The following NET1 variants were observed in gnomAD, a reference collection of about 807,000 sequenced individuals.
The protein encoded by NET1 is neuroepithelial cell-transforming gene 1 protein.
In NET1, 42 loss-of-function variants were observed where a neutral mutation model predicts 61.1. That is an observed-to-expected ratio of 0.69 (90% CI 0.54 to 0.89). The LOEUF is 0.89. Among genes scored for constraint, NET1 ranks in the 40% least tolerant of loss-of-function variants. NET1 has a pLI of 0.00. For synonymous variants in NET1, 254 were observed against 281.8 expected (o/e 0.90, Z 0.99); for missense variants, 654 against 747.3 (o/e 0.88, Z 1.46).
chr10:5,422,758 A>G lies in NET1; in HGVS notation c.129-3897A>G, dbSNP rs1832196846. On this transcript the variant is annotated intron_variant, in intron 1 of 11. Transcript: ENST00000355029. The surrounding 1 kb of genome is among the most constrained non-coding windows in gnomAD (Gnocchi z 4.1). ...GAGACATAGTCTACATGATTGTCAG[A>G]AGTGGAAGAAGAGACAACTCCTTAA... Among the ~76,000 whole-genome samples, 1 of 152,240 alleles carries G rather than the reference A, an allele frequency of 6.6e-6. No homozygotes were observed. The highest frequency in any genetic ancestry group is 1.5e-5 in the Non-Finnish European group (1 of 68,036).
rs915506089 is a variant in NET1, at chr10:5,455,350, G to A, written c.1197+232G>A. ...TTAGTTTCGAAGCATAAATCAACTT[G>A]TTAGGCCAGGGGTTCCTGTCTAAAT... On this transcript the variant is annotated intron_variant, in intron 10 of 11. Coordinates refer to ENST00000355029, the MANE Select transcript of NET1 (RefSeq NM_001047160.3). The surrounding 1 kb of genome is among the most constrained non-coding windows in gnomAD (Gnocchi z 6.5). Among the ~76,000 whole-genome samples, 4 of 152,154 alleles carry A rather than the reference G, an allele frequency of 2.6e-5. No individual in the cohort carries two copies. The highest frequency in any genetic ancestry group is 9.7e-5 in the African/African-American group (4 of 41,418).
At position 5,452,983 on chromosome 10, in the gene NET1, A is replaced by C; in HGVS notation, c.594+63A>C. 8.7e-7 allele frequency: 1 copy of C among 1,149,862 alleles called. No individual in the cohort carries two copies. The highest frequency in any genetic ancestry group is 2.3e-5 in the East Asian group (1 of 42,722). 71.2% of individuals were successfully genotyped at this position (1,149,862 alleles called of 1,614,324 possible). ...AAAAATTACATTTCACAAAATCTAA[A>C]GGATAGTTTTCTTAACCTTTAGAAG... On this transcript the variant is annotated intron_variant, in intron 6 of 11. Transcript: ENST00000355029. The surrounding 1 kb of genome is among the most constrained non-coding windows in gnomAD (Gnocchi z 4.0).
chr10:5,450,606 C>A (rs1832688991), intron 3 of NET1, among the ~76,000 whole-genome samples: 1 of 151,880 alleles, frequency 6.6e-6, no homozygotes, highest in Non-Finnish European at 1.5e-5. Flanking sequence ...TCTTATTTTT[C>A]AGTGATAATT....
intron 3 of NET1, among the ~76,000 whole-genome samples, chr10:5,450,682 CA>C (rs1832689852): frequency 6.6e-6 from 1 of 151,996 alleles, no homozygotes; most frequent in African/African-American, 2.4e-5. Flanking sequence ...AAGTATGCCA[CA>C]ATTGTCAGAA....
chr10:5,456,805 C>T lies in NET1; in HGVS notation c.1602C>T (p.Ala534=). The T allele has an allele frequency of 6.2e-7, 1 of 1,613,564 alleles. No homozygotes were observed. Among genetic ancestry groups the T allele is most frequent in the Non-Finnish European group, 8.5e-7 (1 of 1,179,736 alleles). Residue 534 remains alanine (A), a synonymous_variant, in exon 12 of 12, where the codon GCC becomes GCT. Transcript: ENST00000355029. This position sits in a 1 kb window ranked among gnomAD's most constrained non-coding sequence, Gnocchi z 7.0. ...ACCCCTCTGCGAGGAAACTCACAGC[C>T]CAGAGGAGGGCATCCACAGTTTCCA... ...GNHPSARKLT[A]QRRASTVSSV...
rs1399537892 is a variant in NET1 at position 5,436,184 on chromosome 10, TGTTGTGTGTGTGTGTGTGTG to T, written c.255+6956_255+6975del. On this transcript the variant is annotated intron_variant, in intron 3 of 11. Transcript: ENST00000355029. The stretch of plus-strand genomic sequence containing the variant: ...GGAGGTGTGTGTGTGTGTGTGTGTG[TGTTGTGTGTGTGTGTGTGTG>T]TGTGTGTGTGTGTGTGTGTGCATAT... Among the ~76,000 whole-genome samples, 5 of 58,742 alleles carry T rather than the reference TGTTGTGTGTGTGTGTGTGTG, an allele frequency of 8.5e-5. 1 individual carries two copies. The highest frequency in any genetic ancestry group is 1.5e-3 in the South Asian group (2 of 1,342). 38.5% of individuals were successfully genotyped at this position (58,742 alleles called of 152,430 possible).
In NET1 at chr10:5,417,909, A is replaced by G. The variant is rs72779839; in HGVS notation, c.128+5089A>G. Among the ~76,000 whole-genome samples, 10,930 of 152,058 alleles carry G rather than the reference A, an allele frequency of 0.072. 496 individuals are homozygous for G. Among genetic ancestry groups the G allele is most frequent in the Non-Finnish European group, 0.11 (7,528 of 67,944 alleles). On this transcript the variant is annotated intron_variant, in intron 1 of 11. Coordinates refer to ENST00000355029, the MANE Select transcript of NET1 (RefSeq NM_001047160.3). The surrounding 1 kb of genome is among the most constrained non-coding windows in gnomAD (Gnocchi z 5.5). ...TTTTAGGGTTTTTTTTCTTTTGTCT[A>G]TTGAAATGATCATGTGGTTGTTGTT...
Position 5,435,619 on chromosome 10 carries a change from AAATG to A in NET1, c.255+6396_255+6399del, listed in dbSNP as rs1441023401. On this transcript the variant is annotated intron_variant, in intron 3 of 11. Coordinates refer to ENST00000355029, the MANE Select transcript of NET1 (RefSeq NM_001047160.3). The surrounding 1 kb of genome is among the most constrained non-coding windows in gnomAD (Gnocchi z 5.0). Reference sequence around the variant, plus strand: ...GAATGAAATATTAATAATACAGGTCAAATGAATGACATAAGACCTTGGACTTACA... The same window carrying A: ...GAATGAAATATTAATAATACAGGTCAAATGACATAAGACCTTGGACTTACA... Among the ~76,000 whole-genome samples the A allele has an allele frequency of 6.6e-6, 1 of 152,228 alleles. No homozygotes were observed. Among genetic ancestry groups the A allele is most frequent in the East Asian group, 1.9e-4 (1 of 5,204 alleles).
chr10:5,453,250 G>A lies in NET1; in HGVS notation c.595G>A (p.Ala199Thr). The A allele has an allele frequency of 1.9e-6, 3 of 1,566,026 alleles. No homozygotes were observed. The highest frequency in any genetic ancestry group is 2.6e-6 in the Non-Finnish European group (3 of 1,136,240). The change falls in exon 7 of 12, where the codon GCC (alanine) becomes ACC (threonine). Residue 199 changes from alanine to threonine, a missense_variant and splice_region_variant. Transcript: ENST00000355029. This position sits in a 1 kb window ranked among gnomAD's most constrained non-coding sequence, Gnocchi z 4.9. ...LIEDLKLARKAYHDPMLKLSI... is the reference protein window; with the variant it reads ...LIEDLKLARKTYHDPMLKLSI... ...GTGACACATTTCTCCCCTCTGACAG[G>A]CCTATCATGACCCCATGTTAAAGTT... is the stretch of plus-strand genomic sequence containing the variant.
chr10:5,415,982 A>G lies in NET1; in HGVS notation c.128+3162A>G, dbSNP rs545616344. The stretch of plus-strand genomic sequence containing the variant: ...AATCACTGCTAAATCCATTGTTATG[A>G]ATCCTTTCCCCAGTGCTTTCTTCTG... On this transcript the variant is annotated intron_variant, in intron 1 of 11. Transcript: ENST00000355029. The surrounding 1 kb of genome is among the most constrained non-coding windows in gnomAD (Gnocchi z 4.7). Among the ~76,000 whole-genome samples, 114 of 152,296 alleles carry G rather than the reference A, an allele frequency of 7.5e-4. No homozygotes were observed. Among genetic ancestry groups the G allele is most frequent in the South Asian group, 2.3e-3 (11 of 4,828 alleles).
Position 5,454,595 on chromosome 10 carries a change from G to A in NET1, c.1026+73G>A. 6.7e-7 allele frequency: 1 copy of A among 1,496,274 alleles called. No individual in the cohort carries two copies. Among genetic ancestry groups the A allele is most frequent in the Non-Finnish European group, 9.0e-7 (1 of 1,105,996 alleles). The allele number at this position is 1,496,274 out of a possible 1,614,324, so 92.7% of individuals were successfully genotyped here. ...AGGCTGCTTTAGAACGTTATCTTCT[G>A]AAGATGCTGATTCACATCAGCATAG... On this transcript the variant is annotated intron_variant, in intron 9 of 11. Coordinates refer to ENST00000355029, the MANE Select transcript of NET1 (RefSeq NM_001047160.3). The surrounding 1 kb of genome is among the most constrained non-coding windows in gnomAD (Gnocchi z 8.1).
Position 5,443,105 on chromosome 10 carries a change from A to T in NET1, c.256-8725A>T, listed in dbSNP as rs148158172. Among the ~76,000 whole-genome samples the T allele has an allele frequency of 6.6e-6, 1 of 152,256 alleles. No individual in the cohort carries two copies. The highest frequency in any genetic ancestry group is 1.9e-4 in the East Asian group (1 of 5,182). On this transcript the variant is annotated intron_variant, in intron 3 of 11. Coordinates refer to ENST00000355029, the MANE Select transcript of NET1 (RefSeq NM_001047160.3). This position sits in a 1 kb window ranked among gnomAD's most constrained non-coding sequence, Gnocchi z 4.8. ...GGTTTTAAACTTAGGTCTACTGTTA[A>T]CTTAGGTCACTAACATATACTGAGC...
chr10:5,415,616 T>C lies in NET1; in HGVS notation c.128+2796T>C, dbSNP rs1185121342. Among the ~76,000 whole-genome samples the C allele has an allele frequency of 6.6e-6, 1 of 152,152 alleles. No homozygotes were observed. The highest frequency in any genetic ancestry group is 1.5e-5 in the Non-Finnish European group (1 of 68,014). On this transcript the variant is annotated intron_variant, in intron 1 of 11. Transcript: ENST00000355029. This position sits in a 1 kb window ranked among gnomAD's most constrained non-coding sequence, Gnocchi z 4.7. Reference sequence around the variant, plus strand: ...CACCACGTGTGGCTAATTTTTTGTATTTTTAGTAAAGACAGGGTTTCACCA... The same window carrying C: ...CACCACGTGTGGCTAATTTTTTGTACTTTTAGTAAAGACAGGGTTTCACCA...
In NET1 at chr10:5,449,955, G is replaced by A. The variant is rs909334224; in HGVS notation, c.256-1875G>A. Among the ~76,000 whole-genome samples the A allele has an allele frequency of 2.6e-5, 4 of 152,072 alleles. No individual in the cohort carries two copies. The highest frequency in any genetic ancestry group is 5.9e-5 in the Non-Finnish European group (4 of 68,016). ...AACTGCTTTGTTCCAGTGAAATGTC[G>A]GCATTTCTTACTCTGTGAGGTAATT... is the stretch of plus-strand genomic sequence containing the variant. On this transcript the variant is annotated intron_variant, in intron 3 of 11. Transcript: ENST00000355029. The surrounding 1 kb of genome is among the most constrained non-coding windows in gnomAD (Gnocchi z 4.4).
rs550382870 is a variant in NET1, at chr10:5,441,255, T to C, written c.256-10575T>C. ...CATCCCACACACCCGTGGCTACACA[T>C]GTGCATGTGCCACACAGCAGCATCC... On this transcript the variant is annotated intron_variant, in intron 3 of 11. Coordinates refer to ENST00000355029, the MANE Select transcript of NET1 (RefSeq NM_001047160.3). This position sits in a 1 kb window ranked among gnomAD's most constrained non-coding sequence, Gnocchi z 4.6. Among the ~76,000 whole-genome samples the C allele has an allele frequency of 6.6e-6, 1 of 152,344 alleles. No homozygotes were observed. Among genetic ancestry groups the C allele is most frequent in the South Asian group, 2.1e-4 (1 of 4,828 alleles).
chr10:5,446,190 C>T lies in NET1; in HGVS notation c.256-5640C>T, dbSNP rs1343720671. 6.6e-6 allele frequency among the ~76,000 whole-genome samples: 1 copy of T among 152,168 alleles called. No homozygotes were observed. The highest frequency in any genetic ancestry group is 1.5e-5 in the Non-Finnish European group (1 of 68,032). Reference sequence around the variant, plus strand: ...TTTTATAATTGTGAATATGCTTGCACTTCTGTAAAATAAAAGCAGGTTTCC... The same window carrying T: ...TTTTATAATTGTGAATATGCTTGCATTTCTGTAAAATAAAAGCAGGTTTCC... On this transcript the variant is annotated intron_variant, in intron 3 of 11. Coordinates refer to ENST00000355029, the MANE Select transcript of NET1 (RefSeq NM_001047160.3). This position sits in a 1 kb window ranked among gnomAD's most constrained non-coding sequence, Gnocchi z 5.0.
Position 5,429,203 on chromosome 10 carries a change from G to C in NET1, c.229G>C (p.Val77Leu). The change falls in exon 3 of 12, where the codon GTA (valine) becomes CTA (leucine). Residue 77 changes from valine (V) to leucine (L), a missense_variant. Coordinates refer to ENST00000355029, the MANE Select transcript of NET1 (RefSeq NM_001047160.3). The part of the protein sequence containing the change: ...RKRREKDDDV[V>L]SLSSLDLKEP... ...ACGCAGAGAGAAAGATGATGATGTTGTAAGCCTTAGCAGCCTTGATCTGAA... is the reference window on the plus strand; with the variant it reads ...ACGCAGAGAGAAAGATGATGATGTTCTAAGCCTTAGCAGCCTTGATCTGAA... 1 of 1,610,328 alleles carries C rather than the reference G, an allele frequency of 6.2e-7. No individual in the cohort carries two copies. The highest frequency in any genetic ancestry group is 8.5e-7 in the Non-Finnish European group (1 of 1,178,074).
Position 5,441,196 on chromosome 10 carries a change from G to A in NET1, c.256-10634G>A, listed in dbSNP as rs1832520186. Among the ~76,000 whole-genome samples the A allele has an allele frequency of 6.6e-6, 1 of 152,202 alleles. No homozygotes were observed. The highest frequency in any genetic ancestry group is 2.4e-5 in the African/African-American group (1 of 41,446). On this transcript the variant is annotated intron_variant, in intron 3 of 11. Transcript: ENST00000355029. The surrounding 1 kb of genome is among the most constrained non-coding windows in gnomAD (Gnocchi z 4.6). ...GGAGCTTTTATCCTGCAGCTTCTGT[G>A]CTCCGTTAGTCAACAAGTGGCCTTT...
Position 5,452,692 on chromosome 10 carries a change from C to T in NET1, c.532-166C>T. ...AAACAACTCTAATAGGGTAAACTTA[C>T]CAAACATACGGCAACCTTGTATTTG... On this transcript the variant is annotated intron_variant, in intron 5 of 11. Coordinates refer to ENST00000355029, the MANE Select transcript of NET1 (RefSeq NM_001047160.3). This position sits in a 1 kb window ranked among gnomAD's most constrained non-coding sequence, Gnocchi z 4.0. The T allele has an allele frequency of 5.4e-6, 5 of 920,072 alleles. No homozygotes were observed. Among genetic ancestry groups the T allele is most frequent in the Non-Finnish European group, 8.1e-6 (5 of 613,970 alleles). 57.0% of individuals were successfully genotyped at this position (920,072 alleles called of 1,614,324 possible).
Sources: allele counts gnomAD v4.1 joint callset (sites outside exome capture counted in the v4.1 genomes callset), GRCh38; gene constraint gnomAD v4.1.1; non-coding constraint Gnocchi (gnomAD v3.1); transcripts MANE v1.5; gene names NCBI Gene and HGNC (gene_info 2026-07-23, HGNC 2026-07-21).